The following GOLGA4 variants were observed in gnomAD, a reference collection of about 807,000 sequenced individuals.
GOLGA4 encodes the protein golgin subfamily A member 4.
GOLGA4 carries 169 observed loss-of-function variants against 265.9 expected under a neutral mutation model. That is an observed-to-expected ratio of 0.64 (90% CI 0.56 to 0.72). GOLGA4 has a LOEUF of 0.72. Ranked by LOEUF, GOLGA4 falls within the 30% of genes least tolerant of loss-of-function variation. The pLI is 0.00. For missense variants in GOLGA4, 2,482 were observed against 2,483.4 expected (o/e 1.00, Z 0.01); for synonymous variants, 923 against 855.8 (o/e 1.08, Z -1.37).
chr3:37,306,940 A>G (rs1172626068), intron 10 of GOLGA4, among the ~76,000 whole-genome samples: 1 of 152,076 alleles, frequency 6.6e-6, no homozygotes, highest in African/African-American at 2.4e-5. Context: ...ATAGACTTTT[A>G]GTCTTTTTTG....
chr3:37,353,752 G>A (rs1471051915), intron 21 of GOLGA4, among the ~76,000 whole-genome samples: 1 of 151,704 alleles, frequency 6.6e-6, no homozygotes, highest in African/African-American at 2.4e-5. Flanking sequence ...CATAATCCTG[G>A]CTAATTTTTA....
Position 37,323,635 on chromosome 3 carries a change from C to G in GOLGA4, c.1749C>G (p.Asn583Lys), listed in dbSNP as rs750176027. Reference protein sequence around the residue: ...ESSLEKSLQENKNQSKDLAVH... With the variant: ...ESSLEKSLQEKKNQSKDLAVH... Reference sequence around the variant, plus strand: ...CTTTGGAAAAAAGCTTACAAGAAAACAAAAATCAGTCAAAAGATTTGGCTG... The same window carrying G: ...CTTTGGAAAAAAGCTTACAAGAAAAGAAAAATCAGTCAAAAGATTTGGCTG... The change falls in exon 14 of 24, where the codon AAC (asparagine) becomes AAG (lysine). Residue 583 changes from asparagine (N) to lysine (K), a missense_variant. This residue lies in a region of GOLGA4 where 1,536 missense variants were observed against 1,483.7 expected (regional missense o/e 1.04). Transcript: ENST00000361924. 2.8e-5 allele frequency: 45 copies of G among 1,579,090 alleles called. No homozygotes were observed. The highest frequency in any genetic ancestry group is 4.1e-5 in the African/African-American group (3 of 72,662).
intron 23 of GOLGA4, among the ~76,000 whole-genome samples, chr3:37,363,073 T>C (rs1177407238): frequency 6.6e-6 from 1 of 152,116 alleles, no homozygotes; most frequent in African/African-American, 2.4e-5. Flanking sequence ...TGAGCCACTG[T>C]GCCTGGCCCT....
At chr3:37,284,257 G>A (rs369858796) in intron 3 of GOLGA4, among the ~76,000 whole-genome samples, 3 of 152,110 alleles carry the variant, frequency 2.0e-5, no homozygotes, top group South Asian at 4.1e-4. Context: ...ACTGGTAAAT[G>A]TGAACACCAT....
intron 2 of GOLGA4, among the ~76,000 whole-genome samples, chr3:37,257,509 T>C (rs536291363): frequency 6.6e-6 from 1 of 152,154 alleles, no homozygotes; most frequent in Admixed American, 6.5e-5. Context: ...TAAGAAGGCA[T>C]GTACATCTCT....
At chr3:37,343,143 C>G (rs2097043251) in intron 20 of GOLGA4, among the ~76,000 whole-genome samples, 1 of 151,924 alleles carries the variant, frequency 6.6e-6, no homozygotes, top group Admixed American at 6.6e-5. Flanking sequence ...GTTTTCAAGA[C>G]AGAGTTTTGT....
chr3:37,276,063 ATACTTATGTTT>A (rs2096817255), intron 2 of GOLGA4: 1 of 1,612,430 alleles, frequency 6.2e-7, no homozygotes, highest in African/African-American at 1.3e-5. Context: ...AATGCTCGAG[ATACTTATGTTT>A]CATCCTTTCC....
At position 37,364,730 on chromosome 3, in the gene GOLGA4, A is replaced by G. The variant is rs559183132; in HGVS notation, c.*34-1350A>G. 3.3e-5 allele frequency among the ~76,000 whole-genome samples: 5 copies of G among 150,948 alleles called. No homozygotes were observed. In the South Asian group the frequency reaches 1.0e-3, roughly 32 times the overall value. On this transcript the variant is annotated intron_variant, in intron 23 of 23. Transcript: ENST00000361924. ...GCCTTCTGAGTAGCTGGGACCACAG[A>G]CACATGCCACCACACCTAGCTATTT...
In GOLGA4 at chr3:37,299,268, A is replaced by G; in HGVS notation, c.1003-20A>G. 1.3e-6 allele frequency: 2 copies of G among 1,513,398 alleles called. No individual in the cohort carries two copies. Among genetic ancestry groups the G allele is most frequent in the Non-Finnish European group, 1.8e-6 (2 of 1,091,234 alleles). The allele number at this position is 1,513,398 out of a possible 1,614,324, so 93.7% of individuals were successfully genotyped here. Reference sequence around the variant, plus strand: ...AGAAGCTTTATTAGAGATGGAAATGAATTTAAAAATTTTTTTTAGGACCTT... The same window carrying G: ...AGAAGCTTTATTAGAGATGGAAATGGATTTAAAAATTTTTTTTAGGACCTT... On this transcript the variant is annotated intron_variant, in intron 8 of 23. Coordinates refer to ENST00000361924, the MANE Select transcript of GOLGA4 (RefSeq NM_002078.5).
chr3:37,353,454 G>C (rs2097081086), intron 21 of GOLGA4, among the ~76,000 whole-genome samples: 1 of 152,052 alleles, frequency 6.6e-6, no homozygotes, highest in African/African-American at 2.4e-5. Flanking sequence ...CACAGATTCT[G>C]TTCTGTCTAG....
chr3:37,313,691 CATACATACAT>C (rs1384434088), intron 10 of GOLGA4, among the ~76,000 whole-genome samples: 1 of 152,062 alleles, frequency 6.6e-6, no homozygotes, highest in Non-Finnish European at 1.5e-5. Context: ...TGTGTGCATG[CATACATACAT>C]ATACAACCCA....
At position 37,243,309 on chromosome 3, in the gene GOLGA4, C is replaced by A. The variant is rs926239743; in HGVS notation, c.-242C>A. 1 of 555,490 alleles carries A rather than the reference C, an allele frequency of 1.8e-6. No homozygotes were observed. Among genetic ancestry groups the A allele is most frequent in the South Asian group, 2.3e-5 (1 of 43,504 alleles). 34.4% of individuals were successfully genotyped at this position (555,490 alleles called of 1,614,324 possible). On this transcript the variant is annotated 5_prime_UTR_variant, in exon 1 of 24. Transcript: ENST00000361924. ...CCGTTGTCGTCGCCGCCGCGGCTCCCGGGGCTGGATGGGGGGCCGAGGCCA... is the reference window on the plus strand; with the variant it reads ...CCGTTGTCGTCGCCGCCGCGGCTCCAGGGGCTGGATGGGGGGCCGAGGCCA...
chr3:37,320,611 A>T (rs2096952179), intron 12 of GOLGA4, among the ~76,000 whole-genome samples: 1 of 152,234 alleles, frequency 6.6e-6, no homozygotes, highest in Admixed American at 6.5e-5. Flanking sequence ...ATTTTACAAG[A>T]ATTCTTAAAC....
At position 37,324,468 on chromosome 3, in the gene GOLGA4, T is replaced by G. The variant is rs2150961565; in HGVS notation, c.2582T>G (p.Ile861Ser). 6.2e-7 allele frequency: 1 copy of G among 1,614,136 alleles called. No individual in the cohort carries two copies. The highest frequency in any genetic ancestry group is 1.3e-5 in the African/African-American group (1 of 75,032). ...TGTACTGAGTTAGATGCTCACAAAA[T>G]CCAGGTGCAGGACTTAATGCAGCAA... ...DVCTELDAHK[I>S]QVQDLMQQLE... The change falls in exon 14 of 24, where the codon ATC (isoleucine) becomes AGC (serine). Residue 861 changes from isoleucine (I) to serine (S), a missense_variant. Around this residue, in one of 3 missense-constraint regions of GOLGA4, gnomAD observed 1,536 missense variants for 1,483.7 expected, o/e 1.04. Coordinates refer to ENST00000361924, the MANE Select transcript of GOLGA4 (RefSeq NM_002078.5).
At chr3:37,291,178 C>T (rs2096863655) in intron 5 of GOLGA4, among the ~76,000 whole-genome samples, 1 of 152,094 alleles carries the variant, frequency 6.6e-6, no homozygotes, top group Non-Finnish European at 1.5e-5. Flanking sequence ...GATGAATCCT[C>T]TTTAAAACAT....
chr3:37,326,141 T>C lies in GOLGA4; in HGVS notation c.4255T>C (p.Phe1419Leu), dbSNP rs376649961. 1 of 1,613,722 alleles carries C rather than the reference T, an allele frequency of 6.2e-7. No homozygotes were observed. Among genetic ancestry groups the C allele is most frequent in the Non-Finnish European group, 8.5e-7 (1 of 1,179,750 alleles). ...GCTGGATCAGGTGCAAGATTTATCTTTTAAAGTTGACACTCTGAGTAAAGA... is the reference window on the plus strand; with the variant it reads ...GCTGGATCAGGTGCAAGATTTATCTCTTAAAGTTGACACTCTGAGTAAAGA... ...ELLDQVQDLS[F>L]KVDTLSKEKI... The change falls in exon 14 of 24, where the codon TTT becomes CTT. Residue 1419 changes from phenylalanine (F) to leucine (L), a missense_variant. Transcript: ENST00000361924.
In GOLGA4 at chr3:37,335,056, C is replaced by G; in HGVS notation, c.6196C>G (p.Arg2066Gly). ...AKRYEEILDA[R>G]EEEMTAKVRD... ...TCTTTTTTTTTAAATCCTAAAGGCTCGTGAAGAAGAAATGACTGCAAAAGT... is the reference window on the plus strand; with the variant it reads ...TCTTTTTTTTTAAATCCTAAAGGCTGGTGAAGAAGAAATGACTGCAAAAGT... Residue 2066 changes from arginine to glycine, a missense_variant, in exon 17 of 24, where the codon CGT (arginine) becomes GGT (glycine). By Grantham distance (125) the Arg-to-Gly change is moderately radical. Coordinates refer to ENST00000361924, the MANE Select transcript of GOLGA4 (RefSeq NM_002078.5). The G allele has an allele frequency of 6.4e-7, 1 of 1,550,788 alleles. No homozygotes were observed. The highest frequency in any genetic ancestry group is 8.8e-7 in the Non-Finnish European group (1 of 1,132,880).
chr3:37,328,946 T>C lies in GOLGA4; in HGVS notation c.6062-17T>C, dbSNP rs2150979271. ...GACTAATGTGTTTTCTTGTGTGTGT[T>C]CATTTTTATTTATTAGATAAGGCCC... On this transcript the variant is annotated splice_polypyrimidine_tract_variant and intron_variant, in intron 15 of 23. Transcript: ENST00000361924. 1 of 1,563,046 alleles carries C rather than the reference T, an allele frequency of 6.4e-7. No homozygotes were observed. Among genetic ancestry groups the C allele is most frequent in the Non-Finnish European group, 8.6e-7 (1 of 1,160,318 alleles).
At position 37,323,770 on chromosome 3, in the gene GOLGA4, T is replaced by C. The variant is rs199745892; in HGVS notation, c.1884T>C (p.Thr628=). ...AGCATCAGCAGGATGCCCTTTGGAC[T>C]GAAAAACTCCAAGTCTTAAAGCAAC... ...SLKHQQDALW[T]EKLQVLKQQY... Residue 628 remains threonine (T), a synonymous_variant, in exon 14 of 24, where the codon ACT becomes ACC. Transcript: ENST00000361924. The C allele has an allele frequency of 9.9e-6, 16 of 1,610,002 alleles. No individual in the cohort carries two copies. The highest frequency in any genetic ancestry group is 5.1e-6 in the Non-Finnish European group (6 of 1,179,080).
Sources: gnomAD v4.1 joint callset for allele counts (sites outside exome capture counted in the v4.1 genomes callset) on GRCh38, gnomAD v4.1.1 for gene constraint, gnomAD v4.1.1 regional missense constraint, MANE v1.5 for transcripts, NCBI Gene and HGNC (gene_info 2026-07-23, HGNC 2026-07-21) for gene names.